The following DECR1 variants were observed in gnomAD, a reference collection of about 807,000 sequenced individuals.
The protein encoded by DECR1 is 2,4-dienoyl-CoA reductase [(3E)-enoyl-CoA-producing], mitochondrial.
A neutral mutation model predicts 38.8 loss-of-function variants in DECR1; 44 were observed. That is an observed-to-expected ratio of 1.13 (90% CI 0.89 to 1.46). The LOEUF is 1.46. Ranked by LOEUF, DECR1 falls within the 40% of genes most tolerant of loss-of-function variation. The probability of loss-of-function intolerance (pLI) is 0.00; values close to 1 mark genes in which losing one functional copy is unlikely to be tolerated. For synonymous variants in DECR1, 148 were observed against 135.2 expected, an observed-to-expected ratio of 1.09 and a Z score of -0.66; for missense variants, 428 against 405.5, an observed-to-expected ratio of 1.06 and a Z score of -0.48.
At chr8:90,023,396 T>G (rs1813214305) in intron 5 of DECR1, among the ~76,000 whole-genome samples, 1 of 152,114 alleles carries the variant, frequency 6.6e-6, no homozygotes, top group African/African-American at 2.4e-5. Flanking sequence ...AGTTTTTTTT[T>G]GTTTAGATTC....
intron 5 of DECR1, among the ~76,000 whole-genome samples, chr8:90,026,963 T>C (rs199723076): frequency 1.6e-4 from 24 of 152,242 alleles, no homozygotes; most frequent in Middle Eastern, 3.4e-3. Flanking sequence ...TTATTTCTGC[T>C]TTCATTTCGT....
intron 1 of DECR1, among the ~76,000 whole-genome samples, chr8:90,015,156 C>G (rs1171843943): frequency 6.6e-6 from 1 of 151,468 alleles, no homozygotes; most frequent in African/African-American, 2.4e-5. Flanking sequence ...ACCAATCAAA[C>G]AAACAAACAA....
At chr8:90,012,156 C>CTTTTT (rs1170178816) in intron 1 of DECR1, among the ~76,000 whole-genome samples, 4 of 138,686 alleles carry the variant, frequency 2.9e-5, no homozygotes, top group African/African-American at 5.3e-5. Flanking sequence ...CTTTTCTTTT[C>CTTTTT]TTTTTTTTTT....
At position 90,047,308 on chromosome 8, in the gene DECR1, C is replaced by T. The variant is rs375176736; in HGVS notation, c.885+2313C>T. On this transcript the variant is annotated intron_variant, in intron 8 of 9. Transcript: ENST00000220764. Reference sequence around the variant, plus strand: ...GACCCATCTCACATGCAGAGACACACATAGGCTCAAAATAAAGGCATGGAG... The same window carrying T: ...GACCCATCTCACATGCAGAGACACATATAGGCTCAAAATAAAGGCATGGAG... Among the ~76,000 whole-genome samples, 22 of 152,080 alleles carry T rather than the reference C, an allele frequency of 1.4e-4. 1 individual carries two copies. The highest frequency in any genetic ancestry group is 1.1e-3 in the Admixed American group (17 of 15,246).
At chr8:90,004,452 T>A (rs1812692394) in intron 1 of DECR1, among the ~76,000 whole-genome samples, 1 of 152,172 alleles carries the variant, frequency 6.6e-6, no homozygotes, top group Non-Finnish European at 1.5e-5. Context: ...CAAAGTAAGA[T>A]ATGACCTCAA....
At chr8:90,020,265 G>A (rs999241069) in intron 4 of DECR1, among the ~76,000 whole-genome samples, 3 of 152,152 alleles carry the variant, frequency 2.0e-5, no homozygotes, top group Admixed American at 2.0e-4. Flanking sequence ...AGCTGCATTG[G>A]TTAAGTTAAA....
chr8:90,050,248 G>A (rs2130184881), intron 8 of DECR1, among the ~76,000 whole-genome samples: 1 of 152,286 alleles, frequency 6.6e-6, no homozygotes, highest in Middle Eastern at 3.4e-3. Context: ...GCAACCTACA[G>A]AATGGGAGAA....
intron 2 of DECR1, among the ~76,000 whole-genome samples, chr8:90,017,980 G>A (rs879287105): frequency 6.6e-6 from 1 of 152,122 alleles, no homozygotes; most frequent in Non-Finnish European, 1.5e-5. Flanking sequence ...TCCGCCTCCC[G>A]GGTTCAAGCA....
chr8:90,015,594 G>A (rs1318020557), intron 1 of DECR1: 2 of 453,394 alleles, frequency 4.4e-6, no homozygotes, highest in African/African-American at 4.0e-5. Flanking sequence ...TCTTTCCTGA[G>A]GATAAATTTC....
chr8:90,017,451 A>G (rs1452357806), intron 2 of DECR1, 125 bp downstream of exon 2: 7 of 564,544 alleles, frequency 1.2e-5, no homozygotes, highest in African/African-American at 3.8e-5. Context: ...AATACTAGAA[A>G]TATTATTTAG....
At chr8:90,042,703 G>A (rs757301925) in intron 6 of DECR1, 25 bp from the exon 7 acceptor site, 4 of 1,585,556 alleles carry the variant, frequency 2.5e-6, no homozygotes, top group East Asian at 2.2e-5. Flanking sequence ...ATTTCAGAAT[G>A]TATGTTGTTG....
chr8:90,019,627 T>C (rs1252344222), intron 4 of DECR1, among the ~76,000 whole-genome samples: 1 of 152,146 alleles, frequency 6.6e-6, no homozygotes, highest in African/African-American at 2.4e-5. Context: ...ACATGGTGCA[T>C]TGGTGGGTAT....
In DECR1 at chr8:90,042,707, G is replaced by A. The variant is rs371979586; in HGVS notation, c.666-21G>A. ...TATGGTATAATATTTCAGAATGTATGTTGTTGATTTTAATTTTTAGGTCTC... is the reference window on the plus strand; with the variant it reads ...TATGGTATAATATTTCAGAATGTATATTGTTGATTTTAATTTTTAGGTCTC... On this transcript the variant is annotated intron_variant, in intron 6 of 9. Transcript: ENST00000220764. 1.0e-5 allele frequency: 16 copies of A among 1,597,500 alleles called. No homozygotes were observed. In the African/African-American group the frequency reaches 2.0e-4, roughly 20 times the overall value.
intron 8 of DECR1, among the ~76,000 whole-genome samples, chr8:90,046,287 C>A (rs1335271065): frequency 1.3e-5 from 2 of 152,128 alleles, no homozygotes; most frequent in African/African-American, 4.8e-5. Flanking sequence ...AAGCTAAAAA[C>A]CTTGATAAAA....
intron 7 of DECR1, 27 bp downstream of exon 7, chr8:90,042,827 A>C: frequency 6.5e-7 from 1 of 1,549,022 alleles, no homozygotes; most frequent in Non-Finnish European, 8.9e-7. Flanking sequence ...TTGTTATCAC[A>C]TTGTGAATGA....
At chr8:90,048,732 A>G (rs1813983152) in intron 8 of DECR1, among the ~76,000 whole-genome samples, 1 of 152,022 alleles carries the variant, frequency 6.6e-6, no homozygotes, top group African/African-American at 2.4e-5. Context: ...AGATACAACA[A>G]CAAAAAAAGA....
chr8:90,037,533 A>G (rs530398378), intron 6 of DECR1, among the ~76,000 whole-genome samples: 2 of 151,678 alleles, frequency 1.3e-5, no homozygotes, highest in South Asian at 4.2e-4. Context: ...TGCAGCCTTA[A>G]TCTCCCAGAC....
rs914234237 is a variant in DECR1 at position 90,052,412 on chromosome 8, C to A, written c.*515C>A. Among the ~76,000 whole-genome samples the A allele has an allele frequency of 6.6e-6, 1 of 152,056 alleles. No homozygotes were observed. The highest frequency in any genetic ancestry group is 2.4e-5 in the African/African-American group (1 of 41,400). ...TCAAACCTTTAATTTTTACTAGGAC[C>A]TATTTGTAGCCAGGCATTTTATTTA... On this transcript the variant is annotated 3_prime_UTR_variant, in exon 10 of 10. Transcript: ENST00000220764.
At chr8:90,050,835 T>G (rs1010219665) in intron 8 of DECR1, among the ~76,000 whole-genome samples, 1 of 152,318 alleles carries the variant, frequency 6.6e-6, no homozygotes, top group South Asian at 2.1e-4. Flanking sequence ...CATGGAATAC[T>G]ATGCAGACAT....
Sources: gnomAD v4.1 joint callset for allele counts (sites outside exome capture counted in the v4.1 genomes callset) on GRCh38, gnomAD v4.1.1 for gene constraint, MANE v1.5 for transcripts, NCBI Gene and HGNC (gene_info 2026-07-23, HGNC 2026-07-21) for gene names.